ZFAND2A: variants seen among roughly 807,000 people sequenced by gnomAD.
The protein encoded by ZFAND2A is zinc finger AN1-type containing 2A, also known as AN1-type zinc finger protein 2A.
A neutral mutation model predicts 11.6 loss-of-function variants in ZFAND2A; 20 were observed. The ratio of observed to expected loss-of-function variants is 1.72; its 90% CI spans 1.21 to 2.50. ZFAND2A has a LOEUF of 2.50. Ranked by LOEUF, ZFAND2A falls within the 30% of genes most tolerant of loss-of-function variation. The probability of loss-of-function intolerance (pLI) is 0.00; values close to 1 mark genes in which losing one functional copy is unlikely to be tolerated. For synonymous variants in ZFAND2A, 93 were observed against 60.6 expected, an observed-to-expected ratio of 1.54 and a Z score of -2.48; for missense variants, 234 against 182.9, an observed-to-expected ratio of 1.28 and a Z score of -1.61.
chr7:1,157,459 G>A (rs2128258656), intron 3 of ZFAND2A, 197 bp downstream of exon 3: 1 of 472,078 alleles, frequency 2.1e-6, no homozygotes, highest in African/African-American at 2.0e-5. Flanking sequence ...CCAACAGAAT[G>A]TCCTGTGAGG....
chr7:1,154,737 T>C (rs192094560), intron 4 of ZFAND2A, among the ~76,000 whole-genome samples: 6 of 152,332 alleles, frequency 3.9e-5, no homozygotes, highest in Admixed American at 2.0e-4. Context: ...CTGTAAAGTA[T>C]TGAACATCAT....
chr7:1,155,011 G>A (rs993868285), intron 4 of ZFAND2A, among the ~76,000 whole-genome samples: 4 of 152,176 alleles, frequency 2.6e-5, no homozygotes, highest in Admixed American at 6.5e-5. Flanking sequence ...CCAGCTACTC[G>A]GGAGGCTGAG....
chr7:1,155,219 A>G (rs79163292), intron 4 of ZFAND2A, among the ~76,000 whole-genome samples: 13 of 152,234 alleles, frequency 8.5e-5, no homozygotes, highest in Non-Finnish European at 1.5e-5. Context: ...GGAAACTAGT[A>G]AATTCCAGTC....
chr7:1,152,121 C>T (rs1035680629), downstream of ZFAND2A: 2 of 1,252,588 alleles, frequency 1.6e-6, no homozygotes, highest in Admixed American at 5.7e-5. Context: ...GTCCTTCATC[C>T]ATCCTGACGA....
intron 3 of ZFAND2A, chr7:1,157,029 C>G (rs6945392): frequency 0.66 from 99,735 of 152,084 alleles, 33,122 homozygotes; most frequent in African/African-American, 0.75. Flanking sequence ...ACTGCCACCA[C>G]GGTCAAGTGG....
At chr7:1,157,862 G>A (rs1279365873) in intron 2 of ZFAND2A, 112 bp from the exon 3 acceptor site, 1 of 804,316 alleles carries the variant, frequency 1.2e-6, no homozygotes, top group Non-Finnish European at 1.9e-6. Flanking sequence ...AGATGGACAG[G>A]TCCTCGAGGG....
downstream of ZFAND2A, among the ~76,000 whole-genome samples, chr7:1,150,625 T>C (rs927825995): frequency 2.0e-5 from 3 of 152,200 alleles, no homozygotes; most frequent in Admixed American, 6.5e-5. Context: ...CACAAAGGAC[T>C]GTGCACCTCA....
intron 3 of ZFAND2A, among the ~76,000 whole-genome samples, chr7:1,156,162 CCCAGCAGCTGAAG>C (rs1793523863): frequency 7.9e-6 from 1 of 126,724 alleles, no homozygotes; most frequent in Non-Finnish European, 1.6e-5. Context: ...GGGTGGACTG[CCCAGCAGCTGAAG>C]GCCCAGCAAG....
At chr7:1,159,452 G>A (rs534780442) in intron 1 of ZFAND2A, among the ~76,000 whole-genome samples, 16 of 149,480 alleles carry the variant, frequency 1.1e-4, no homozygotes, top group Non-Finnish European at 1.5e-4. Flanking sequence ...GCAGACAGCC[G>A]GACTCCCAGC....
At chr7:1,157,388 G>A (rs1255488611) in intron 3 of ZFAND2A, 2 of 297,396 alleles carry the variant, frequency 6.7e-6, no homozygotes, top group Non-Finnish European at 1.3e-5. Context: ...TGGAACATAA[G>A]GTTACAACTA....
At position 1,153,008 on chromosome 7, in the gene ZFAND2A, A is replaced by C. The variant is rs569545553; in HGVS notation, c.*61T>G. The C allele has an allele frequency of 2.1e-5, 34 of 1,604,706 alleles. No homozygotes were observed. The highest frequency in any genetic ancestry group is 2.0e-4 in the African/African-American group (15 of 74,808). ...TCAATGGGGCTCCACTTCCCACTAG[A>C]GTGTAAGCTGCTTCCACGCATGCTA... On this transcript the variant is annotated 3_prime_UTR_variant, in exon 5 of 5. Transcript: ENST00000316495.
rs1793624970 is a variant in ZFAND2A, at chr7:1,159,491, C to A, written c.-46+473G>T. 3.4e-5 allele frequency among the ~76,000 whole-genome samples: 5 copies of A among 147,920 alleles called. 1 individual carries two copies. The South Asian group carries it at 1.1e-3, about 33-fold the overall frequency. Reference sequence around the variant, plus strand: ...CAGGCCGGACCCCCAGCAGCCAGACCCCGGCAGGCCCGGTCCCCAGCAGAC... The same window carrying A: ...CAGGCCGGACCCCCAGCAGCCAGACACCGGCAGGCCCGGTCCCCAGCAGAC... On this transcript the variant is annotated intron_variant, in intron 1 of 4. Transcript: ENST00000316495.
At chr7:1,151,321 T>G (rs1793393446), downstream of ZFAND2A, among the ~76,000 whole-genome samples, 1 of 152,032 alleles carries the variant, frequency 6.6e-6, no homozygotes, top group South Asian at 2.1e-4. Context: ...ACAATGCGAG[T>G]AGCACCTGTG....
chr7:1,150,621 G>A (rs1046666279), downstream of ZFAND2A, among the ~76,000 whole-genome samples: 1 of 152,162 alleles, frequency 6.6e-6, no homozygotes, highest in Non-Finnish European at 1.5e-5. Flanking sequence ...GAGCCACAAA[G>A]GACTGTGCAC....
downstream of ZFAND2A, among the ~76,000 whole-genome samples, chr7:1,151,761 T>TAAAAAAAAAAAAAAAAAAAAAA (rs76095900): frequency 4.4e-5 from 1 of 22,818 alleles, no homozygotes; most frequent in African/African-American, 3.0e-4. Context: ...TTCATCCCTT[T>TAAAAAAAAAAAAAAAAAAAAAA]TAAAAAAAAA....
chr7:1,150,120 G>T (rs1040184587), downstream of ZFAND2A, among the ~76,000 whole-genome samples: 2 of 151,556 alleles, frequency 1.3e-5, no homozygotes, highest in African/African-American at 4.9e-5. Flanking sequence ...GTACAATTAT[G>T]TCAATTAAAA....
chr7:1,150,136 G>A (rs1278063688), downstream of ZFAND2A, among the ~76,000 whole-genome samples: 11 of 151,292 alleles, frequency 7.3e-5, no homozygotes, highest in Non-Finnish European at 1.3e-4. Flanking sequence ...TAAAATAAAA[G>A]CAAAAAAGTT....
intron 3 of ZFAND2A, 119 bp from the exon 4 acceptor site, chr7:1,155,703 C>G: frequency 7.6e-7 from 1 of 1,323,318 alleles, no homozygotes. Context: ...AAACCGGTCT[C>G]CCGAGCCCTC....
At position 1,153,161 on chromosome 7, in the gene ZFAND2A, C is replaced by A. The variant is rs80300105; in HGVS notation, c.346G>T (p.Ala116Ser). Residue 116 changes from alanine (A) to serine (S), a missense_variant, in exon 5 of 5, where the codon GCC becomes TCC. Ala to Ser is a moderately conservative substitution (Grantham distance 99). Transcript: ENST00000316495. Reference sequence around the variant, plus strand: ...ATACAGAAGTTGCCGTGACATTGGGCACATACCATCTGCAGCATCTCTTTC... The same window carrying A: ...ATACAGAAGTTGCCGTGACATTGGGAACATACCATCTGCAGCATCTCTTTC... Reference protein sequence around the residue: ...KKKEMLQMVCAQCHGNFCIQH... With the variant: ...KKKEMLQMVCSQCHGNFCIQH... 25,270 of 1,614,170 alleles carry A rather than the reference C, an allele frequency of 0.016. 449 individuals are homozygous for A. Among genetic ancestry groups the A allele is most frequent in the Admixed American group, 0.083 (4,962 of 60,016 alleles).
Sources: gnomAD v4.1 joint callset for allele counts (sites outside exome capture counted in the v4.1 genomes callset) on GRCh38, gnomAD v4.1.1 for gene constraint, MANE v1.5 for transcripts, NCBI Gene and HGNC (gene_info 2026-07-23, HGNC 2026-07-21) for gene names.